Variants in GALNT10 observed in about 807,000 individuals in gnomAD.
GALNT10 encodes the protein polypeptide N-acetylgalactosaminyltransferase 10, also known as GalNAc transferase 10.
GALNT10 carries 41 observed loss-of-function variants against 75.0 expected under a neutral mutation model. That is an observed-to-expected ratio of 0.55 (90% CI 0.43 to 0.71). GALNT10 has a LOEUF of 0.71. Ranked by LOEUF, GALNT10 falls within the 30% of genes least tolerant of loss-of-function variation. GALNT10 has a pLI of 0.00. For missense variants in GALNT10, 727 were observed against 818.5 expected (o/e 0.89, Z 1.36); for synonymous variants, 302 against 313.0 (o/e 0.96, Z 0.37).
chr5:154,338,843 A>G (rs147491984), intron 4 of GALNT10, among the ~76,000 whole-genome samples: 3 of 152,320 alleles, frequency 2.0e-5, no homozygotes, highest in East Asian at 3.9e-4. Flanking sequence ...TCCAGAGAAC[A>G]CAACATGAAT....
chr5:154,241,929 G>A (rs1017833866), intron 1 of GALNT10, among the ~76,000 whole-genome samples: 53 of 152,128 alleles, frequency 3.5e-4, no homozygotes, highest in Non-Finnish European at 6.9e-4. Flanking sequence ...CTTAGAAGTG[G>A]CATTAAGAGA....
At chr5:154,262,070 T>G (rs1753706750) in intron 1 of GALNT10, among the ~76,000 whole-genome samples, 1 of 152,214 alleles carries the variant, frequency 6.6e-6, no homozygotes, top group African/African-American at 2.4e-5. Flanking sequence ...TTAGCTGTAT[T>G]GCATTTAGCT....
Position 154,373,609 on chromosome 5 carries a change from G to C in GALNT10, c.569-2668G>C, listed in dbSNP as rs187757252. 2.6e-5 allele frequency among the ~76,000 whole-genome samples: 4 copies of C among 152,136 alleles called. No individual in the cohort carries two copies. In the East Asian group the frequency reaches 7.7e-4, roughly 29 times the overall value. On this transcript the variant is annotated intron_variant, in intron 4 of 11. Coordinates refer to ENST00000297107, the MANE Select transcript of GALNT10 (RefSeq NM_198321.4). ...GCATGCAAGCAGGGGCTCTATAATT[G>C]TTCCCTATAATTGTCATCATAATCA...
intron 4 of GALNT10, among the ~76,000 whole-genome samples, chr5:154,334,673 A>G (rs1352299724): frequency 6.6e-6 from 1 of 152,240 alleles, no homozygotes; most frequent in African/African-American, 2.4e-5. Context: ...GTGACAGGCT[A>G]TGGTATGATC....
Position 154,409,716 on chromosome 5 carries a change from C to G in GALNT10, c.1340C>G (p.Pro447Arg), listed in dbSNP as rs1199089845. ...ATGACGAAGATAGCCTGGGACCTGC[C>G]CAAATTCTACCCACCCGTGGAGCCC... Reference protein sequence around the residue: ...WFMTKIAWDLPKFYPPVEPPA... With the variant: ...WFMTKIAWDLRKFYPPVEPPA... The change falls in exon 9 of 12, where the codon CCC becomes CGC. Residue 447 changes from proline to arginine, a missense_variant. Physicochemically the swap from Pro to Arg is moderately radical, Grantham distance 103. Transcript: ENST00000297107. The surrounding 1 kb of genome is among the most constrained non-coding windows in gnomAD (Gnocchi z 4.5). The G allele has an allele frequency of 1.2e-6, 2 of 1,614,106 alleles. No homozygotes were observed. Among genetic ancestry groups the G allele is most frequent in the Admixed American group, 1.7e-5 (1 of 60,016 alleles).
chr5:154,236,877 C>T (rs1753256166), intron 1 of GALNT10, among the ~76,000 whole-genome samples: 1 of 152,206 alleles, frequency 6.6e-6, no homozygotes, highest in African/African-American at 2.4e-5. Flanking sequence ...GCGCTGTGCC[C>T]TTTCCACATA....
chr5:154,379,726 G>T lies in GALNT10; in HGVS notation c.755-722G>T, dbSNP rs1755705257. Among the ~76,000 whole-genome samples the T allele has an allele frequency of 2.0e-5, 3 of 152,200 alleles. No individual in the cohort carries two copies. The South Asian group carries it at 6.2e-4, about 31-fold the overall frequency. On this transcript the variant is annotated intron_variant, in intron 5 of 11. Transcript: ENST00000297107. ...CTAAAAGGGACCATAAGCCATCTAA[G>T]TCAAGACCCCCCATTTGCCTTTGGA...
At chr5:154,393,473 AT>A (rs1755951798) in intron 7 of GALNT10, among the ~76,000 whole-genome samples, 1 of 152,100 alleles carries the variant, frequency 6.6e-6, no homozygotes, top group South Asian at 2.1e-4. Context: ...TTTCTACCTA[AT>A]GTGTGTCTGC....
rs570014734 is a variant in GALNT10, at chr5:154,204,172, C to T, written c.159+13147C>T. On this transcript the variant is annotated intron_variant, in intron 1 of 11. Transcript: ENST00000297107. ...TGGGTCCCTGACTCAGCAGTGCTTC[C>T]GTCCTCTCCTATGTAAGCTGTGTTA... Among the ~76,000 whole-genome samples, 3 of 152,278 alleles carry T rather than the reference C, an allele frequency of 2.0e-5. No homozygotes were observed. The South Asian group carries it at 6.2e-4, about 32-fold the overall frequency.
In GALNT10 at chr5:154,416,800, T is replaced by G. The variant is rs752756297; in HGVS notation, c.1654-14T>G. On this transcript the variant is annotated splice_polypyrimidine_tract_variant and intron_variant, in intron 11 of 11. Transcript: ENST00000297107. The surrounding 1 kb of genome is among the most constrained non-coding windows in gnomAD (Gnocchi z 4.5). The stretch of plus-strand genomic sequence containing the variant: ...CTCCAGTGCTGTCTGGCTTATTACC[T>G]CCATGTTTTGTAGGACAAGACCCTG... The G allele has an allele frequency of 2.5e-6, 4 of 1,606,612 alleles. No homozygotes were observed. The highest frequency in any genetic ancestry group is 3.4e-6 in the Non-Finnish European group (4 of 1,173,330).
At chr5:154,346,314 A>G (rs1422894536) in intron 4 of GALNT10, among the ~76,000 whole-genome samples, 1 of 152,206 alleles carries the variant, frequency 6.6e-6, no homozygotes, top group Non-Finnish European at 1.5e-5. Context: ...TTGGATATAT[A>G]TCCAGAAATG....
intron 4 of GALNT10, among the ~76,000 whole-genome samples, chr5:154,345,063 T>C (rs1203235949): frequency 6.6e-6 from 1 of 152,206 alleles, no homozygotes; most frequent in Non-Finnish European, 1.5e-5. Flanking sequence ...CAGCAGCAGG[T>C]ATGGACACTG....
At chr5:154,219,838 T>TCACACACACACACACACACACA (rs553301418) in intron 1 of GALNT10, among the ~76,000 whole-genome samples, 9 of 125,544 alleles carry the variant, frequency 7.2e-5, no homozygotes, top group South Asian at 2.7e-4. Flanking sequence ...TCTCTCTCTC[T>TCACACACACACACACACACACA]CACACACACA....
At chr5:154,330,657 T>G (rs1162167752) in intron 4 of GALNT10, among the ~76,000 whole-genome samples, 1 of 152,194 alleles carries the variant, frequency 6.6e-6, no homozygotes, top group East Asian at 1.9e-4. Context: ...GAAATTGCCC[T>G]TCAGCCAGTG....
intron 1 of GALNT10, among the ~76,000 whole-genome samples, chr5:154,193,632 G>A (rs1774894861): frequency 6.6e-6 from 1 of 152,130 alleles, no homozygotes; most frequent in Admixed American, 6.5e-5. Flanking sequence ...AACTGCAGAG[G>A]CTCTGGAGGG....
chr5:154,395,326 G>A lies in GALNT10; in HGVS notation c.1057-8778G>A, dbSNP rs555501550. Among the ~76,000 whole-genome samples the A allele has an allele frequency of 2.6e-5, 4 of 152,336 alleles. No individual in the cohort carries two copies. In the South Asian group the frequency reaches 8.3e-4, roughly 32 times the overall value. ...TGGGCTTCAGCATCAAACTGCCTGG[G>A]TTCTAGTGCAAATTCAATGAGCTAG... On this transcript the variant is annotated intron_variant, in intron 7 of 11. Coordinates refer to ENST00000297107, the MANE Select transcript of GALNT10 (RefSeq NM_198321.4).
At chr5:154,236,786 C>T (rs779134221) in intron 1 of GALNT10, among the ~76,000 whole-genome samples, 1 of 152,216 alleles carries the variant, frequency 6.6e-6, no homozygotes, top group Non-Finnish European at 1.5e-5. Context: ...GGAAAATGTA[C>T]CACCGAGCTG....
At chr5:154,354,343 G>A (rs1339948490) in intron 4 of GALNT10, among the ~76,000 whole-genome samples, 1 of 152,188 alleles carries the variant, frequency 6.6e-6, no homozygotes, top group Admixed American at 6.5e-5. Context: ...AGTGATTCAG[G>A]AAACTTCAAG....
intron 7 of GALNT10, 143 bp downstream of exon 7, chr5:154,386,573 A>T (rs1214554652): frequency 7.2e-6 from 2 of 277,326 alleles, no homozygotes; most frequent in East Asian, 1.1e-4. Flanking sequence ...TGAAGAAGAC[A>T]GGGGCTCATG....
Sources: gnomAD v4.1 joint callset for allele counts (sites outside exome capture counted in the v4.1 genomes callset) on GRCh38, gnomAD v4.1.1 for gene constraint, Gnocchi (gnomAD v3.1) non-coding constraint, MANE v1.5 for transcripts, NCBI Gene and HGNC (gene_info 2026-07-23, HGNC 2026-07-21) for gene names.